Variants in PCCA observed in about 807,000 individuals in gnomAD.
The protein encoded by PCCA is propionyl-CoA carboxylase alpha chain, mitochondrial.
PCCA carries 74 observed loss-of-function variants against 101.3 expected under a neutral mutation model. That is an observed-to-expected ratio of 0.73 (90% CI 0.61 to 0.89). The LOEUF (loss-of-function observed/expected upper bound fraction) is 0.89, where lower values mean the gene tolerates loss of function less well. PCCA is among the 40% of genes least tolerant of loss of function. The pLI is 0.00. For synonymous variants in PCCA, 294 were observed against 313.6 expected (o/e 0.94, Z 0.66); for missense variants, 891 against 907.0 (o/e 0.98, Z 0.23).
intron 21 of PCCA, among the ~76,000 whole-genome samples, chr13:100,514,745 A>G (rs2086709217): frequency 6.6e-6 from 1 of 152,128 alleles, no homozygotes. Flanking sequence ...CAGTGTTTAT[A>G]ACATCTTGAT....
intron 21 of PCCA, among the ~76,000 whole-genome samples, chr13:100,484,861 C>G (rs1308851395): frequency 6.6e-6 from 1 of 152,202 alleles, no homozygotes; most frequent in Non-Finnish European, 1.5e-5. Flanking sequence ...GTAGGAGCCA[C>G]TGCTGTGAAC....
intron 18 of PCCA, among the ~76,000 whole-genome samples, chr13:100,367,972 T>A (rs1212205001): frequency 6.6e-6 from 1 of 151,798 alleles, no homozygotes; most frequent in Non-Finnish European, 1.5e-5. Flanking sequence ...ATAATAATAA[T>A]AATTAAAAAA....
intron 5 of PCCA, among the ~76,000 whole-genome samples, chr13:100,156,068 T>G (rs1271394068): frequency 1.3e-5 from 2 of 152,244 alleles, no homozygotes; most frequent in African/African-American, 4.8e-5. Flanking sequence ...TTCAGCTTTT[T>G]TTTTGTTTTG....
chr13:100,348,775 T>TTCCTTC (rs1566976345), intron 18 of PCCA, among the ~76,000 whole-genome samples: 86 of 90,126 alleles, frequency 9.5e-4, no homozygotes, highest in Non-Finnish European at 1.6e-3. Flanking sequence ...TTTCTTTCTT[T>TTCCTTC]CTTTCTTTCT....
At chr13:100,455,527 A>G (rs545831163) in intron 21 of PCCA, among the ~76,000 whole-genome samples, 74 of 152,274 alleles carry the variant, frequency 4.9e-4, no homozygotes, top group Non-Finnish European at 8.1e-4. Flanking sequence ...CGTATGTTGC[A>G]TGGAGGTATA....
chr13:100,326,227 G>A (rs190412452), intron 16 of PCCA, among the ~76,000 whole-genome samples: 2 of 152,290 alleles, frequency 1.3e-5, no homozygotes, highest in Non-Finnish European at 2.9e-5. Flanking sequence ...AGGTGGAGTG[G>A]GGGTTGAAGG....
chr13:100,292,298 T>C (rs2065187545), intron 12 of PCCA, among the ~76,000 whole-genome samples: 1 of 152,252 alleles, frequency 6.6e-6, no homozygotes, highest in Admixed American at 6.5e-5. Flanking sequence ...TGCAAACATC[T>C]ACTGTTTTCA....
At chr13:100,476,442 A>G (rs1004998742) in intron 21 of PCCA, among the ~76,000 whole-genome samples, 1 of 152,206 alleles carries the variant, frequency 6.6e-6, no homozygotes, top group Non-Finnish European at 1.5e-5. Context: ...CTGACACTGT[A>G]TTTAATTAGC....
At chr13:100,470,189 A>G (rs2082890272) in intron 21 of PCCA, among the ~76,000 whole-genome samples, 2 of 152,190 alleles carry the variant, frequency 1.3e-5, no homozygotes, top group Admixed American at 6.5e-5. Context: ...CTCATCCGCC[A>G]GCTGAACTAG....
rs147814966 is a variant in PCCA at position 100,113,724 on chromosome 13, A to G, written c.300+1663A>G. 8.5e-3 allele frequency among the ~76,000 whole-genome samples: 1,288 copies of G among 151,962 alleles called. 19 individuals carry two copies. Among genetic ancestry groups the G allele is most frequent in the African/African-American group, 0.029 (1,214 of 41,470 alleles). On this transcript the variant is annotated intron_variant, in intron 4 of 23. Transcript: ENST00000376285. ...CTCTCCAGTAGCTGGGATTACAGGC[A>G]TGTGTCACCACGCTCGGCTAATTTT...
intron 21 of PCCA, among the ~76,000 whole-genome samples, chr13:100,457,875 G>T (rs1019529175): frequency 6.6e-6 from 1 of 152,170 alleles, no homozygotes; most frequent in African/African-American, 2.4e-5. Context: ...TGGAGGTTGT[G>T]TGTGACGCTG....
At chr13:100,234,638 G>C (rs1433497811) in intron 7 of PCCA, among the ~76,000 whole-genome samples, 1 of 75,752 alleles carries the variant, frequency 1.3e-5, no homozygotes, top group African/African-American at 1.0e-4. Context: ...AGGTACTGAA[G>C]AACTTTAAAG....
At chr13:100,254,441 A>C (rs962716349) in intron 8 of PCCA, among the ~76,000 whole-genome samples, 12 of 152,198 alleles carry the variant, frequency 7.9e-5, no homozygotes, top group African/African-American at 2.9e-4. Context: ...TGGAAATTTC[A>C]TGTCCAGATG....
intron 7 of PCCA, among the ~76,000 whole-genome samples, chr13:100,210,733 C>T (rs554340349): frequency 6.6e-6 from 1 of 152,284 alleles, no homozygotes; most frequent in Non-Finnish European, 1.5e-5. Context: ...CCTGCAGGAA[C>T]TCTTCATTTC....
At chr13:100,169,500 A>G (rs544694776) in intron 6 of PCCA, among the ~76,000 whole-genome samples, 1 of 151,810 alleles carries the variant, frequency 6.6e-6, no homozygotes, top group African/African-American at 2.4e-5. Flanking sequence ...ATGCAAGTAG[A>G]AGGCTGAACT....
intron 6 of PCCA, among the ~76,000 whole-genome samples, chr13:100,163,371 G>A (rs2152399413): frequency 6.6e-6 from 1 of 152,276 alleles, no homozygotes. Flanking sequence ...ATCTTGGACA[G>A]GTTGTTTAAT....
chr13:100,403,877 T>TGC, intron 19 of PCCA, among the ~76,000 whole-genome samples: 1 of 152,242 alleles, frequency 6.6e-6, no homozygotes, highest in South Asian at 2.1e-4. Flanking sequence ...CCCACCCCAG[T>TGC]GCGCAGCTGG....
At chr13:100,516,503 T>C (rs1566495054) in intron 22 of PCCA, among the ~76,000 whole-genome samples, 1 of 152,234 alleles carries the variant, frequency 6.6e-6, no homozygotes, top group Admixed American at 6.5e-5. Flanking sequence ...TTTTAGTTGT[T>C]TGAATGACCA....
intron 6 of PCCA, among the ~76,000 whole-genome samples, chr13:100,206,376 C>T (rs943572794): frequency 6.6e-6 from 1 of 152,116 alleles, no homozygotes; most frequent in Non-Finnish European, 1.5e-5. Flanking sequence ...AAGCAATTCT[C>T]CTGCCTCAAC....
Sources: allele counts gnomAD v4.1 joint callset (sites outside exome capture counted in the v4.1 genomes callset), GRCh38; gene constraint gnomAD v4.1.1; transcripts MANE v1.5; gene names NCBI Gene and HGNC (gene_info 2026-07-23, HGNC 2026-07-21).